Variants in NLGN1 observed in about 807,000 individuals in gnomAD.
NLGN1 encodes neuroligin-1.
Under a neutral mutation model 65.5 loss-of-function variants are expected in NLGN1, and 12 were observed. The ratio of observed to expected loss-of-function variants is 0.18; its 90% CI spans 0.12 to 0.30. The LOEUF (loss-of-function observed/expected upper bound fraction) is 0.30. Among genes scored for constraint, NLGN1 ranks in the 10% least tolerant of loss-of-function variants. NLGN1 has a pLI of 1.00. For missense variants in NLGN1, 750 were observed against 1,007.1 expected, an observed-to-expected ratio of 0.74 and a Z score of 3.46; for synonymous variants, 350 against 359.5, an observed-to-expected ratio of 0.97 and a Z score of 0.30.
chr3:173,980,649 A>G (rs1416266095), intron 4 of NLGN1, among the ~76,000 whole-genome samples: 2 of 152,110 alleles, frequency 1.3e-5, no homozygotes, highest in African/African-American at 2.4e-5. Flanking sequence ...TATGTTTTCA[A>G]AAAAAACATT....
chr3:173,741,932 TA>T lies in NLGN1; in HGVS notation c.494-65747del, dbSNP rs1774712242. Reference sequence around the variant, plus strand: ...GTTCATACACTGCGTCCCCGTAATGTACGCTCCTTTGTTGGAAGCTGGCCTT... The same window carrying T: ...GTTCATACACTGCGTCCCCGTAATGTCGCTCCTTTGTTGGAAGCTGGCCTT... On this transcript the variant is annotated intron_variant, in intron 3 of 6. Coordinates refer to ENST00000457714, the Ensembl canonical transcript of NLGN1. Among the ~76,000 whole-genome samples the T allele has an allele frequency of 2.6e-5, 4 of 152,156 alleles. No homozygotes were observed. In the South Asian group the frequency reaches 8.3e-4, roughly 31 times the overall value.
At position 174,233,486 on chromosome 3, in the gene NLGN1, CATAATAATA is replaced by C. The variant is rs57467873; in HGVS notation, c.647-41804_647-41796del. Reference sequence around the variant, plus strand: ...GGGCAACAAGAGCAAAACTCTGTCTCATAATAATAATAATAATAATAATAATAATAATAT... The same window carrying C: ...GGGCAACAAGAGCAAAACTCTGTCTCATAATAATAATAATAATAATAATAT... On this transcript the variant is annotated intron_variant, in intron 4 of 6. Transcript: ENST00000457714. Among the ~76,000 whole-genome samples, 608 of 146,928 alleles carry C rather than the reference CATAATAATA, an allele frequency of 4.1e-3. 4 individuals are homozygous for C. The highest frequency in any genetic ancestry group is 0.013 in the African/African-American group (510 of 39,934).
At chr3:173,816,468 C>G (rs1197945420) in intron 4 of NLGN1, among the ~76,000 whole-genome samples, 1 of 152,182 alleles carries the variant, frequency 6.6e-6, no homozygotes, top group African/African-American at 2.4e-5. Context: ...CCTTATCCAT[C>G]TGGATGATCA....
chr3:173,770,571 T>C (rs1779427311), intron 3 of NLGN1, among the ~76,000 whole-genome samples: 2 of 152,190 alleles, frequency 1.3e-5, no homozygotes, highest in African/African-American at 2.4e-5. Flanking sequence ...AGTTCAGTGC[T>C]GCTCCTCATG....
intron 1 of NLGN1, among the ~76,000 whole-genome samples, chr3:173,418,774 C>T (rs1248284003): frequency 7.2e-5 from 11 of 151,992 alleles, no homozygotes; most frequent in African/African-American, 2.7e-4. Context: ...ACATATTAAC[C>T]CATATGTTCT....
chr3:174,247,306 G>A (rs1041622601), intron 4 of NLGN1, among the ~76,000 whole-genome samples: 2 of 152,114 alleles, frequency 1.3e-5, no homozygotes, highest in East Asian at 3.9e-4. Flanking sequence ...CGTATCATCT[G>A]GAAGCTGTAC....
At chr3:173,774,834 G>A (rs867317257) in intron 3 of NLGN1, among the ~76,000 whole-genome samples, 6 of 151,584 alleles carry the variant, frequency 4.0e-5, no homozygotes, top group Non-Finnish European at 5.9e-5. Context: ...CAGCCCCCTC[G>A]CACGCACATT....
chr3:173,465,918 C>A (rs778074445), intron 2 of NLGN1, among the ~76,000 whole-genome samples: 1 of 152,024 alleles, frequency 6.6e-6, no homozygotes, highest in East Asian at 1.9e-4. Context: ...TGAGAAGATA[C>A]TTGGTGACTT....
At chr3:173,883,270 G>T (rs1733679626) in intron 4 of NLGN1, among the ~76,000 whole-genome samples, 1 of 152,200 alleles carries the variant, frequency 6.6e-6, no homozygotes, top group African/African-American at 2.4e-5. Flanking sequence ...TAAGGGAATA[G>T]GAAAGTCTCA....
intron 1 of NLGN1, among the ~76,000 whole-genome samples, chr3:173,399,401 C>T (rs1173826195): frequency 6.6e-6 from 1 of 152,178 alleles, no homozygotes. Context: ...CTTCTTCCAC[C>T]CCCAAAGTAC....
intron 2 of NLGN1, among the ~76,000 whole-genome samples, chr3:173,470,702 A>G (rs1035872738): frequency 6.6e-6 from 1 of 152,188 alleles, no homozygotes; most frequent in African/African-American, 2.4e-5. Flanking sequence ...GAAAGCACTC[A>G]ATAACATGTG....
intron 4 of NLGN1, among the ~76,000 whole-genome samples, chr3:174,174,362 G>A (rs1354750813): frequency 2.0e-5 from 3 of 151,996 alleles, no homozygotes; most frequent in Admixed American, 6.6e-5. Context: ...TGGATCAAAT[G>A]GTAGTTCTAC....
chr3:173,622,534 C>G lies in NLGN1; in HGVS notation c.493+17443C>G, dbSNP rs370300580. On this transcript the variant is annotated intron_variant, in intron 3 of 6. Coordinates refer to ENST00000457714, the Ensembl canonical transcript of NLGN1. ...ATGATAGAATGCCCAAATTGCTTTC[C>G]GATGCTGACCTGCTGGAAGAAGAAG... 3.3e-5 allele frequency among the ~76,000 whole-genome samples: 5 copies of G among 151,712 alleles called. No individual in the cohort carries two copies. The South Asian group carries it at 1.0e-3, about 32-fold the overall frequency.
At chr3:173,487,814 C>T (rs1430106731) in intron 2 of NLGN1, among the ~76,000 whole-genome samples, 1 of 151,930 alleles carries the variant, frequency 6.6e-6, no homozygotes, top group African/African-American at 2.4e-5. Flanking sequence ...TCATTCCTTT[C>T]TTGAAATACC....
chr3:173,559,723 G>A (rs1742339259), intron 2 of NLGN1, among the ~76,000 whole-genome samples: 2 of 152,240 alleles, frequency 1.3e-5, no homozygotes, highest in South Asian at 4.1e-4. Flanking sequence ...AATTAGAGAT[G>A]TAAAGAAAAG....
intron 4 of NLGN1, among the ~76,000 whole-genome samples, chr3:173,891,048 T>C (rs1035816130): frequency 2.9e-4 from 44 of 152,194 alleles, no homozygotes; most frequent in Admixed American, 1.3e-3. Context: ...TTCTTTATGG[T>C]GAAGGAGCTT....
chr3:173,792,375 G>T (rs1198355670), intron 3 of NLGN1, among the ~76,000 whole-genome samples: 1 of 152,126 alleles, frequency 6.6e-6, no homozygotes, highest in East Asian at 1.9e-4. Flanking sequence ...TCTTGCTGGT[G>T]TGTAGAGAAC....
Position 173,830,030 on chromosome 3 carries a change from AAAG to A in NLGN1, c.646+22202_646+22204del, listed in dbSNP as rs538355522. On this transcript the variant is annotated intron_variant, in intron 4 of 6. Transcript: ENST00000457714. Reference sequence around the variant, plus strand: ...TGTGGGGGGGGGAGGGAGAGAATAAAAAGAAGTCTTTGTGTCCAACTGATTTAT... The same window carrying A: ...TGTGGGGGGGGGAGGGAGAGAATAAAAAGTCTTTGTGTCCAACTGATTTAT... Among the ~76,000 whole-genome samples the A allele has an allele frequency of 2.8e-3, 428 of 151,012 alleles. 2 individuals are homozygous for A. The highest frequency in any genetic ancestry group is 4.3e-3 in the Non-Finnish European group (293 of 67,824).
chr3:174,018,611 G>T (rs1436634839), intron 4 of NLGN1, among the ~76,000 whole-genome samples: 1 of 152,068 alleles, frequency 6.6e-6, no homozygotes, highest in East Asian at 1.9e-4. Flanking sequence ...TGAACAATAA[G>T]ATTCTACAGG....
Sources: allele counts gnomAD v4.1 joint callset (sites outside exome capture counted in the v4.1 genomes callset), GRCh38; gene constraint gnomAD v4.1.1; transcripts MANE v1.5; gene names NCBI Gene and HGNC (gene_info 2026-07-23, HGNC 2026-07-21).